Variants in CNIH3 observed in about 807,000 individuals in gnomAD.
CNIH3 encodes the protein cornichon family AMPA receptor auxiliary protein 3.
A neutral mutation model predicts 24.1 loss-of-function variants in CNIH3; 14 were observed. The ratio of observed to expected loss-of-function variants is 0.58; its 90% confidence interval spans 0.38 to 0.91. The LOEUF is 0.91. CNIH3 is among the 40% of genes least tolerant of loss of function. The probability of loss-of-function intolerance (pLI) is 0.00; values close to 1 mark genes in which losing one functional copy is unlikely to be tolerated. For missense variants in CNIH3, 178 were observed against 196.8 expected (o/e 0.90, Z 0.57); for synonymous variants, 68 against 73.8 (o/e 0.92, Z 0.40).
At chr1:224,667,479 G>A (rs773475174) in intron 1 of CNIH3, among the ~76,000 whole-genome samples, 2 of 152,130 alleles carry the variant, frequency 1.3e-5, no homozygotes, top group African/African-American at 4.8e-5. Flanking sequence ...AAAAGGCAGC[G>A]ATCTCTTGTT....
chr1:224,449,205 C>T (rs1675287169), intron 1 of CNIH3, among the ~76,000 whole-genome samples: 1 of 151,914 alleles, frequency 6.6e-6, no homozygotes, highest in African/African-American at 2.4e-5. Flanking sequence ...ACCTTGTGAT[C>T]CGCCTGCCTC....
chr1:224,446,904 GA>G (rs1276918681), intron 1 of CNIH3, among the ~76,000 whole-genome samples: 1 of 152,148 alleles, frequency 6.6e-6, no homozygotes, highest in East Asian at 1.9e-4. Flanking sequence ...CTGAGGGAGG[GA>G]GGGTAGATGG....
At chr1:224,629,740 T>G (rs1020987093) in intron 1 of CNIH3, among the ~76,000 whole-genome samples, 12 of 152,078 alleles carry the variant, frequency 7.9e-5, no homozygotes, top group African/African-American at 2.7e-4. Flanking sequence ...AAACTCTTGG[T>G]CCTCAGTCTT....
chr1:224,566,977 C>G (rs1680607223), intron 4 of CNIH3, among the ~76,000 whole-genome samples: 1 of 152,186 alleles, frequency 6.6e-6, no homozygotes, highest in Non-Finnish European at 1.5e-5. Flanking sequence ...TAATTACACT[C>G]CCACCAACAG....
chr1:224,443,711 A>ATATTTTTTT (rs1329474503), intron 1 of CNIH3, among the ~76,000 whole-genome samples: 13 of 149,454 alleles, frequency 8.7e-5, no homozygotes, highest in Non-Finnish European at 1.9e-4. Context: ...ATATATATAT[A>ATATTTTTTT]TTTTTTTAGG....
At chr1:224,478,956 G>T (rs145246342) in intron 1 of CNIH3, among the ~76,000 whole-genome samples, 3 of 152,068 alleles carry the variant, frequency 2.0e-5, no homozygotes, top group African/African-American at 7.2e-5. Context: ...CACAAGAACG[G>T]CATGGGAAAG....
At chr1:224,452,584 A>G (rs1325809300) in intron 1 of CNIH3, among the ~76,000 whole-genome samples, 2 of 150,200 alleles carry the variant, frequency 1.3e-5, no homozygotes, top group Non-Finnish European at 3.0e-5. Flanking sequence ...GATTGAGACC[A>G]TCCTGGCTAA....
intron 1 of CNIH3, among the ~76,000 whole-genome samples, chr1:224,619,391 A>G (rs1466418722): frequency 6.6e-6 from 1 of 152,222 alleles, no homozygotes; most frequent in African/African-American, 2.4e-5. Flanking sequence ...TTTTATCCAG[A>G]TTCCTCGTGG....
chr1:224,440,851 C>T (rs1455821379), intron 1 of CNIH3, among the ~76,000 whole-genome samples: 1 of 150,396 alleles, frequency 6.6e-6, no homozygotes, highest in Middle Eastern at 3.2e-3. Flanking sequence ...GAGTCTCGCT[C>T]TGTCACCCAG....
intron 2 of CNIH3, among the ~76,000 whole-genome samples, chr1:224,530,191 G>A (rs1420062493): frequency 1.3e-5 from 2 of 152,202 alleles, no homozygotes; most frequent in Admixed American, 6.5e-5. Context: ...AGGAATGCCG[G>A]AGGGGACTAG....
chr1:224,493,324 A>G (rs779317100), intron 1 of CNIH3, among the ~76,000 whole-genome samples: 15 of 152,126 alleles, frequency 9.9e-5, no homozygotes, highest in Non-Finnish European at 1.9e-4. Flanking sequence ...TTTGGCTTTT[A>G]AAGTTGTCTT....
intron 1 of CNIH3, among the ~76,000 whole-genome samples, chr1:224,502,677 C>T (rs1355253596): frequency 6.6e-6 from 1 of 151,574 alleles, no homozygotes; most frequent in Non-Finnish European, 1.5e-5. Flanking sequence ...TGCTTACATT[C>T]CCTGCCGAGT....
intron 1 of CNIH3, among the ~76,000 whole-genome samples, chr1:224,660,783 T>G (rs1685315306): frequency 1.3e-5 from 2 of 152,226 alleles, no homozygotes. Flanking sequence ...TATAGAAGGC[T>G]TATCCTGGCA....
intron 3 of CNIH3, among the ~76,000 whole-genome samples, chr1:224,720,420 C>T (rs1374902288): frequency 6.6e-6 from 1 of 152,084 alleles, no homozygotes; most frequent in Non-Finnish European, 1.5e-5. Context: ...GCAGCAGAGC[C>T]TCACCTGGGA....
intron 3 of CNIH3, among the ~76,000 whole-genome samples, chr1:224,597,378 C>T (rs1319430703): frequency 6.6e-6 from 1 of 152,078 alleles, no homozygotes; most frequent in South Asian, 2.1e-4. Flanking sequence ...GGTCCCAAAC[C>T]CTGGAGGAAG....
chr1:224,596,363 T>A (rs1681980951), intron 3 of CNIH3, among the ~76,000 whole-genome samples: 1 of 152,270 alleles, frequency 6.6e-6, no homozygotes, highest in African/African-American at 2.4e-5. Context: ...ATTGAGTATG[T>A]TAAGCCCACT....
chr1:224,637,568 C>G (rs1156754729), intron 1 of CNIH3, among the ~76,000 whole-genome samples: 1 of 152,194 alleles, frequency 6.6e-6, no homozygotes, highest in Admixed American at 6.5e-5. Context: ...GACTTGCCTT[C>G]AGAAGATCTT....
intron 2 of CNIH3, among the ~76,000 whole-genome samples, chr1:224,544,060 G>T (rs767300493): frequency 6.6e-6 from 1 of 152,142 alleles, no homozygotes; most frequent in African/African-American, 2.4e-5. Context: ...CTCTTTGGCT[G>T]TTAAGAGATA....
At chr1:224,447,736 A>G (rs531102125) in intron 1 of CNIH3, among the ~76,000 whole-genome samples, 62 of 152,222 alleles carry the variant, frequency 4.1e-4, no homozygotes, top group Non-Finnish European at 7.1e-4. Flanking sequence ...CCCCATGGCC[A>G]GTAGGAGTGA....
Sources: allele counts gnomAD v4.1 joint callset (sites outside exome capture counted in the v4.1 genomes callset), GRCh38; gene constraint gnomAD v4.1.1; transcripts MANE v1.5; gene names NCBI Gene and HGNC (gene_info 2026-07-23, HGNC 2026-07-21).